The following CSMD1 variants were observed in gnomAD, a reference collection of about 807,000 sequenced individuals.
The protein encoded by CSMD1 is CUB and Sushi multiple domains 1, also known as CUB and sushi domain-containing protein 1.
A neutral mutation model predicts 417.5 loss-of-function variants in CSMD1; 213 were observed. That is an observed-to-expected ratio of 0.51 (90% CI 0.46 to 0.57). The LOEUF (loss-of-function observed/expected upper bound fraction) is 0.57, where lower values mean the gene tolerates loss of function less well. Ranked by LOEUF, CSMD1 falls within the 20% of genes least tolerant of loss-of-function variation. The pLI is 0.00. For missense variants in CSMD1, 6,923 were observed against 4,529.7 expected, an observed-to-expected ratio of 1.53 and a Z score of -15.17; for synonymous variants, 2,862 against 1,736.8, an observed-to-expected ratio of 1.65 and a Z score of -16.11.
At chr8:3,273,688 C>T (rs948988706) in intron 26 of CSMD1, among the ~76,000 whole-genome samples, 7 of 152,164 alleles carry the variant, frequency 4.6e-5, no homozygotes, top group South Asian at 2.1e-4. Flanking sequence ...GGAATTTATC[C>T]ATTTCTTCTA....
chr8:4,273,255 C>G (rs184775427), intron 3 of CSMD1, among the ~76,000 whole-genome samples: 64 of 152,184 alleles, frequency 4.2e-4, no homozygotes, highest in African/African-American at 1.4e-3. Context: ...AGGCAATGAG[C>G]ATATTTGTAT....
intron 1 of CSMD1, among the ~76,000 whole-genome samples, chr8:4,759,399 G>C (rs1029475109): frequency 2.0e-5 from 3 of 152,184 alleles, no homozygotes; most frequent in African/African-American, 7.2e-5. Flanking sequence ...AATGGCATCT[G>C]AGCATCTCTG....
intron 52 of CSMD1, among the ~76,000 whole-genome samples, chr8:3,015,887 CCAG>C (rs1808787566): frequency 6.6e-6 from 1 of 152,136 alleles, no homozygotes; most frequent in African/African-American, 2.4e-5. Flanking sequence ...ACACAATTAG[CCAG>C]GCAGAACTAA....
In CSMD1 at chr8:3,438,371, C is replaced by T. The variant is rs78329635; in HGVS notation, c.1562-28766G>A. On this transcript the variant is annotated intron_variant, in intron 12 of 69. Transcript: ENST00000635120. Reference sequence around the variant, plus strand: ...GAAACAGGTGAGATACAGAACATGTCCAGCAACACAGACATCCCTCCCGTT... The same window carrying T: ...GAAACAGGTGAGATACAGAACATGTTCAGCAACACAGACATCCCTCCCGTT... 6.1e-3 allele frequency among the ~76,000 whole-genome samples: 931 copies of T among 152,224 alleles called. 14 individuals are homozygous for T. The highest frequency in any genetic ancestry group is 0.021 in the African/African-American group (853 of 41,536).
intron 5 of CSMD1, among the ~76,000 whole-genome samples, chr8:3,923,640 C>T (rs769054368): frequency 3.3e-5 from 5 of 152,142 alleles, no homozygotes; most frequent in South Asian, 2.1e-4. Context: ...TAACTCTACT[C>T]TCTTAGAAAT....
In CSMD1 at chr8:3,958,842, G is replaced by C. The variant is rs1005566169; in HGVS notation, c.818+39061C>G. Among the ~76,000 whole-genome samples, 9 of 152,208 alleles carry C rather than the reference G, an allele frequency of 5.9e-5. No individual in the cohort carries two copies. The East Asian group carries it at 7.7e-4, about 13-fold the overall frequency. On this transcript the variant is annotated intron_variant, in intron 5 of 69. Transcript: ENST00000635120. ...GAGGATCTGCAGAGGAAATTGTGTA[G>C]TAGGTGAAGTGTAAGTAGATGATAA...
chr8:4,420,760 C>T (rs968819699), intron 2 of CSMD1, among the ~76,000 whole-genome samples: 5 of 152,126 alleles, frequency 3.3e-5, no homozygotes, highest in African/African-American at 1.2e-4. Flanking sequence ...AATGCTGACA[C>T]AGCTCTGTGA....
At chr8:4,935,594 G>A (rs1034224317) in intron 1 of CSMD1, among the ~76,000 whole-genome samples, 3 of 152,254 alleles carry the variant, frequency 2.0e-5, no homozygotes, top group Non-Finnish European at 2.9e-5. Flanking sequence ...AAGTCTATAA[G>A]CCTATTTTCA....
chr8:4,475,607 C>A (rs1217870766), intron 2 of CSMD1, among the ~76,000 whole-genome samples: 1 of 151,650 alleles, frequency 6.6e-6, no homozygotes, highest in Non-Finnish European at 1.5e-5. Context: ...GGTTTTTTTT[C>A]TTTTTCTTTT....
At chr8:3,463,777 C>T (rs1340204855) in intron 12 of CSMD1, among the ~76,000 whole-genome samples, 1 of 152,292 alleles carries the variant, frequency 6.6e-6, no homozygotes, top group African/African-American at 2.4e-5. Context: ...GATTACATAA[C>T]ATCAATGCTG....
chr8:3,542,602 C>A (rs940499325), intron 10 of CSMD1, among the ~76,000 whole-genome samples: 1 of 152,144 alleles, frequency 6.6e-6, no homozygotes, highest in African/African-American at 2.4e-5. Flanking sequence ...CAGGCCTGGC[C>A]TCCTTGAATT....
At chr8:4,374,511 C>G (rs780851494) in intron 3 of CSMD1, among the ~76,000 whole-genome samples, 2 of 152,036 alleles carry the variant, frequency 1.3e-5, no homozygotes, top group African/African-American at 2.4e-5. Context: ...AGAATGCCCA[C>G]AGCAGATCTA....
chr8:3,756,948 A>G (rs924994677), intron 5 of CSMD1, among the ~76,000 whole-genome samples: 2 of 152,098 alleles, frequency 1.3e-5, no homozygotes, highest in Non-Finnish European at 2.9e-5. Context: ...TGTGCACACC[A>G]TATCTGGATA....
chr8:4,466,999 C>G (rs1800212815), intron 2 of CSMD1, among the ~76,000 whole-genome samples: 2 of 151,742 alleles, frequency 1.3e-5, no homozygotes, highest in Admixed American at 1.3e-4. Context: ...GGAGCTTTCT[C>G]AACATAGCTC....
chr8:4,557,517 G>A (rs190359478), intron 2 of CSMD1, among the ~76,000 whole-genome samples: 355 of 151,300 alleles, frequency 2.3e-3, no homozygotes, highest in Admixed American at 4.6e-3. Context: ...TATCAGTTGA[G>A]AAATAAAATA....
intron 3 of CSMD1, among the ~76,000 whole-genome samples, chr8:4,161,006 T>A (rs77018513): frequency 6.6e-6 from 1 of 152,172 alleles, no homozygotes; most frequent in African/African-American, 2.4e-5. Context: ...ACTTTGTCCT[T>A]CTTCTTCTGG....
chr8:4,970,787 A>G (rs976544047), intron 1 of CSMD1, among the ~76,000 whole-genome samples: 5 of 152,104 alleles, frequency 3.3e-5, no homozygotes, highest in Admixed American at 1.3e-4. Flanking sequence ...TAATTTTCCA[A>G]CTACAGAATC....
intron 1 of CSMD1, among the ~76,000 whole-genome samples, chr8:4,986,508 G>A (rs1022499292): frequency 2.0e-5 from 3 of 152,058 alleles, no homozygotes; most frequent in African/African-American, 4.8e-5. Flanking sequence ...ATTCATCAGA[G>A]ATCACTCTCC....
At chr8:4,896,820 A>C (rs898117729) in intron 1 of CSMD1, among the ~76,000 whole-genome samples, 26 of 151,994 alleles carry the variant, frequency 1.7e-4, no homozygotes, top group Non-Finnish European at 3.2e-4. Flanking sequence ...GTGCAGGGCT[A>C]TCCAGTGAGA....
Sources: gnomAD v4.1 joint callset for allele counts (sites outside exome capture counted in the v4.1 genomes callset) on GRCh38, gnomAD v4.1.1 for gene constraint, MANE v1.5 for transcripts, NCBI Gene and HGNC (gene_info 2026-07-23, HGNC 2026-07-21) for gene names.